LAPTM4B: variants seen among roughly 807,000 people sequenced by gnomAD.
The protein encoded by LAPTM4B is lysosomal-associated transmembrane protein 4B.
In LAPTM4B, 26 loss-of-function variants were observed where a neutral mutation model predicts 28.5. The ratio of observed to expected loss-of-function variants is 0.91; its 90% CI spans 0.67 to 1.27. The LOEUF (loss-of-function observed/expected upper bound fraction) is 1.27. Among genes scored for constraint, LAPTM4B ranks in the 50% most tolerant of loss-of-function variants. LAPTM4B has a pLI of 0.00. For missense variants in LAPTM4B, 288 were observed against 285.8 expected (o/e 1.01, Z -0.06); for synonymous variants, 109 against 106.4 (o/e 1.02, Z -0.15).
At chr8:97,801,778 A>C (rs940537808) in intron 1 of LAPTM4B, among the ~76,000 whole-genome samples, 10 of 141,892 alleles carry the variant, frequency 7.0e-5, no homozygotes, top group Non-Finnish European at 1.0e-4. Context: ...TGGGTGGTGG[A>C]GGTTGCGGTG....
intron 2 of LAPTM4B, among the ~76,000 whole-genome samples, chr8:97,812,315 G>A (rs1337823923): frequency 1.3e-5 from 2 of 148,392 alleles, no homozygotes; most frequent in African/African-American, 4.9e-5. Context: ...CACCTCCCAG[G>A]TTCAAGTGAT....
chr8:97,777,136 G>GTTTTTTTT (rs1816231699), intron 1 of LAPTM4B, among the ~76,000 whole-genome samples: 1 of 115,080 alleles, frequency 8.7e-6, no homozygotes, highest in Non-Finnish European at 1.9e-5. Context: ...TTTTCAGTGA[G>GTTTTTTTT]GTTTTTTTTT....
rs565103338 is a variant in LAPTM4B at position 97,802,919 on chromosome 8, G to A, written c.100-2434G>A. ...ATACAGGAAGAAAAAAAGTTATTCC[G>A]GCCAGGCACGGTGCCTCACGCCTAT... is the stretch of plus-strand genomic sequence containing the variant. On this transcript the variant is annotated intron_variant, in intron 1 of 6. Transcript: ENST00000521545. Among the ~76,000 whole-genome samples, 9 of 151,982 alleles carry A rather than the reference G, an allele frequency of 5.9e-5. 1 individual carries two copies. In the South Asian group the frequency reaches 1.9e-3, roughly 32 times the overall value.
intron 1 of LAPTM4B, among the ~76,000 whole-genome samples, chr8:97,793,771 C>T (rs1816541257): frequency 6.6e-6 from 1 of 152,176 alleles, no homozygotes; most frequent in Non-Finnish European, 1.5e-5. Context: ...ATAAACACTG[C>T]AGCTGCTAGG....
At chr8:97,828,163 AAG>A (rs1281510445) in intron 6 of LAPTM4B, among the ~76,000 whole-genome samples, 3 of 152,152 alleles carry the variant, frequency 2.0e-5, no homozygotes, top group African/African-American at 7.2e-5. Context: ...AAAAATGAGA[AAG>A]AGTAGTGAAG....
intron 6 of LAPTM4B, among the ~76,000 whole-genome samples, chr8:97,846,227 A>G (rs1484576718): frequency 1.3e-5 from 2 of 151,844 alleles, no homozygotes; most frequent in East Asian, 1.9e-4. Context: ...TATACTTCAT[A>G]TTTTGGGAAA....
At chr8:97,848,118 C>T (rs939939631) in intron 6 of LAPTM4B, among the ~76,000 whole-genome samples, 2 of 151,802 alleles carry the variant, frequency 1.3e-5, no homozygotes, top group Non-Finnish European at 2.9e-5. Flanking sequence ...AAAAATTAGC[C>T]GGGTGTAGTG....
chr8:97,822,560 AT>A (rs1367492662), intron 5 of LAPTM4B, among the ~76,000 whole-genome samples: 1 of 150,278 alleles, frequency 6.7e-6, no homozygotes, highest in Non-Finnish European at 1.5e-5. Flanking sequence ...TTATTTATTT[AT>A]TTATTTATTA....
intron 6 of LAPTM4B, among the ~76,000 whole-genome samples, chr8:97,849,020 G>A (rs561915102): frequency 1.3e-5 from 2 of 152,304 alleles, no homozygotes; most frequent in South Asian, 4.1e-4. Flanking sequence ...GGTCGACCAT[G>A]AGGCTCTCTT....
Position 97,819,146 on chromosome 8 carries a change from A to T in LAPTM4B, c.415A>T (p.Asn139Tyr). 2 of 1,599,874 alleles carry T rather than the reference A, an allele frequency of 1.3e-6. No homozygotes were observed. The highest frequency in any genetic ancestry group is 1.7e-6 in the Non-Finnish European group (2 of 1,171,822). ...AGGCCCTTTTCTTTTGCAGCCTCCT[A>T]ATTTTCCCTACAGAGATGATGTCAT... is the stretch of plus-strand genomic sequence containing the variant. ...IQEYIRQLPPNFPYRDDVMSV... is the reference protein window; with the variant it reads ...IQEYIRQLPPYFPYRDDVMSV... The change falls in exon 5 of 7, where the codon AAT becomes TAT. Residue 139 changes from asparagine (N) to tyrosine (Y), a missense_variant. Coordinates refer to ENST00000521545, the MANE Select transcript of LAPTM4B (RefSeq NM_018407.6).
chr8:97,851,121 T>G (rs1000901725), intron 6 of LAPTM4B, among the ~76,000 whole-genome samples: 1 of 152,124 alleles, frequency 6.6e-6, no homozygotes, highest in Admixed American at 6.5e-5. Context: ...TTTTTCCTCT[T>G]CAGAGCCATC....
At chr8:97,828,115 CT>C (rs1251964953) in intron 6 of LAPTM4B, among the ~76,000 whole-genome samples, 2 of 152,088 alleles carry the variant, frequency 1.3e-5, no homozygotes, top group Non-Finnish European at 2.9e-5. Flanking sequence ...CTCAGAAGAC[CT>C]CACATTCCTG....
intron 1 of LAPTM4B, among the ~76,000 whole-genome samples, chr8:97,786,408 T>TAAAAAA (rs34540509): frequency 4.1e-5 from 6 of 147,948 alleles, no homozygotes; most frequent in African/African-American, 7.5e-5. Flanking sequence ...ACATTGAACT[T>TAAAAAA]AAAAAAAAAA....
intron 2 of LAPTM4B, among the ~76,000 whole-genome samples, chr8:97,812,393 G>A (rs1816846630): frequency 6.6e-6 from 1 of 151,748 alleles, no homozygotes; most frequent in Admixed American, 6.6e-5. Flanking sequence ...TTTTAGTAGA[G>A]ACAGGGTTTC....
chr8:97,783,356 A>T (rs1175446314), intron 1 of LAPTM4B, among the ~76,000 whole-genome samples: 1 of 152,128 alleles, frequency 6.6e-6, no homozygotes, highest in African/African-American at 2.4e-5. Context: ...ACTTGTTCAC[A>T]TAGAAACTCA....
At position 97,778,388 on chromosome 8, in the gene LAPTM4B, T is replaced by C. The variant is rs1176433510; in HGVS notation, c.99+2280T>C. ...TGTGATACCCTACCTTGTTTTAACC[T>C]GAATTGACTCTCCCTTAGCTAAGAG... On this transcript the variant is annotated intron_variant, in intron 1 of 6. Coordinates refer to ENST00000521545, the MANE Select transcript of LAPTM4B (RefSeq NM_018407.6). Among the ~76,000 whole-genome samples, 3 of 152,070 alleles carry C rather than the reference T, an allele frequency of 2.0e-5. No individual in the cohort carries two copies. In the East Asian group the frequency reaches 5.8e-4, roughly 29 times the overall value.
intron 5 of LAPTM4B, among the ~76,000 whole-genome samples, chr8:97,819,884 G>A (rs1003178112): frequency 4.0e-5 from 6 of 151,828 alleles, no homozygotes; most frequent in South Asian, 4.2e-4. Flanking sequence ...ACAGATACCC[G>A]CCACCATGCC....
rs532220760 is a variant in LAPTM4B at position 97,819,727 on chromosome 8, C to CTT, written c.507+513_507+514dup. On this transcript the variant is annotated intron_variant, in intron 5 of 6. Transcript: ENST00000521545. ...ATGCATTTATCTCAAGATAAATTTC[C>CTT]TTTTTTTTTTTTTTTTTTTTTTTTT... is the stretch of plus-strand genomic sequence containing the variant. 2.5e-3 allele frequency among the ~76,000 whole-genome samples: 194 copies of CTT among 78,564 alleles called. 6 individuals are homozygous for CTT. The highest frequency in any genetic ancestry group is 9.0e-3 in the African/African-American group (174 of 19,374). 51.5% of individuals were successfully genotyped at this position (78,564 alleles called of 152,430 possible). A position where few individuals can be genotyped will look rare whatever the true frequency, so the allele number is the denominator to read the frequency against.
rs188983565 is a variant in LAPTM4B, at chr8:97,780,784, G to C, written c.99+4676G>C. Among the ~76,000 whole-genome samples, 422 of 152,220 alleles carry C rather than the reference G, an allele frequency of 2.8e-3. 4 individuals carry two copies. Among genetic ancestry groups the C allele is most frequent in the African/African-American group, 9.2e-3 (382 of 41,550 alleles). Reference sequence around the variant, plus strand: ...TTCCACTGTTTTACTTTTAAAAGTTGTGCATGTGTTTTGGTTTTGTCTTGG... The same window carrying C: ...TTCCACTGTTTTACTTTTAAAAGTTCTGCATGTGTTTTGGTTTTGTCTTGG... On this transcript the variant is annotated intron_variant, in intron 1 of 6. Coordinates refer to ENST00000521545, the MANE Select transcript of LAPTM4B (RefSeq NM_018407.6).
Sources: gnomAD v4.1 joint callset for allele counts (sites outside exome capture counted in the v4.1 genomes callset) on GRCh38, gnomAD v4.1.1 for gene constraint, MANE v1.5 for transcripts, NCBI Gene and HGNC (gene_info 2026-07-23, HGNC 2026-07-21) for gene names.